Variants in OLA1 observed in about 807,000 individuals in gnomAD.
The protein encoded by OLA1 is Obg like ATPase 1.
A neutral mutation model predicts 48.4 loss-of-function variants in OLA1; 14 were observed. That is an observed-to-expected ratio of 0.29 (90% CI 0.19 to 0.45). The LOEUF (loss-of-function observed/expected upper bound fraction) is 0.45. Ranked by LOEUF, OLA1 falls within the 20% of genes least tolerant of loss-of-function variation. The pLI, the probability that OLA1 is intolerant of heterozygous loss-of-function variation, is 1.00. For missense variants in OLA1, 325 were observed against 467.1 expected (o/e 0.70, Z 2.80); for synonymous variants, 127 against 150.4 (o/e 0.84, Z 1.14).
chr2:174,141,431 T>A (rs1229627383), intron 5 of OLA1, among the ~76,000 whole-genome samples: 1 of 152,250 alleles, frequency 6.6e-6, no homozygotes, highest in East Asian at 1.9e-4. Context: ...TTTAAGAGTG[T>A]ATTCATTTAG....
rs1353617946 is a variant in OLA1 at position 174,123,295 on chromosome 2, G to C, written c.631-18C>G. ...ACTTCAATCTAAAGTGGGAGATGGA[G>C]AAAGAATCCCTTTTAAAAGTTTAGT... On this transcript the variant is annotated intron_variant, in intron 6 of 10. Coordinates refer to ENST00000284719, the MANE Select transcript of OLA1 (RefSeq NM_013341.5). 1 of 1,192,720 alleles carries C rather than the reference G, an allele frequency of 8.4e-7. No homozygotes were observed. The highest frequency in any genetic ancestry group is 1.6e-5 in the African/African-American group (1 of 63,540). 73.9% of individuals were successfully genotyped at this position (1,192,720 alleles called of 1,614,324 possible). A position where few individuals can be genotyped will look rare whatever the true frequency, so the allele number is the denominator to read the frequency against.
intron 4 of OLA1, among the ~76,000 whole-genome samples, chr2:174,176,506 G>C (rs1687421781): frequency 6.6e-6 from 1 of 152,076 alleles, no homozygotes; most frequent in African/African-American, 2.4e-5. Context: ...AAAACAATTT[G>C]AGGGGAACCA....
chr2:174,127,719 T>C (rs1277990909), intron 5 of OLA1, among the ~76,000 whole-genome samples: 1 of 152,116 alleles, frequency 6.6e-6, no homozygotes, highest in Non-Finnish European at 1.5e-5. Flanking sequence ...ATGGCAATAC[T>C]CAAATGTCCC....
At chr2:174,143,208 T>A (rs1686499127) in intron 4 of OLA1, among the ~76,000 whole-genome samples, 1 of 152,282 alleles carries the variant, frequency 6.6e-6, no homozygotes, top group Non-Finnish European at 1.5e-5. Flanking sequence ...TGTAAAGCAA[T>A]ATTTAAGTTT....
chr2:174,225,481 G>T (rs543312117), intron 3 of OLA1, among the ~76,000 whole-genome samples: 1 of 152,082 alleles, frequency 6.6e-6, no homozygotes, highest in Admixed American at 6.5e-5. Context: ...CCCAGGAGGC[G>T]GAGGTTGCAG....
intron 7 of OLA1, among the ~76,000 whole-genome samples, chr2:174,087,252 T>A (rs969827208): frequency 3.3e-5 from 5 of 152,054 alleles, no homozygotes; most frequent in African/African-American, 1.2e-4. Context: ...TCTCGGTCTC[T>A]TGACCTCAGG....
chr2:174,086,846 C>T (rs968063304), intron 7 of OLA1, among the ~76,000 whole-genome samples: 8 of 152,042 alleles, frequency 5.3e-5, no homozygotes, highest in Middle Eastern at 3.2e-3. Context: ...CGGTTGACAG[C>T]GGGAACTGAA....
chr2:174,185,779 T>C (rs1004009237), intron 4 of OLA1, among the ~76,000 whole-genome samples: 4 of 152,002 alleles, frequency 2.6e-5, no homozygotes, highest in Non-Finnish European at 5.9e-5. Flanking sequence ...AATACAAAAA[T>C]TAGCCAGGTG....
At chr2:174,084,080 T>C (rs915863272) in intron 7 of OLA1, among the ~76,000 whole-genome samples, 1 of 152,214 alleles carries the variant, frequency 6.6e-6, no homozygotes, top group African/African-American at 2.4e-5. Flanking sequence ...CTACCGCCAA[T>C]GTGAGACTTT....
intron 10 of OLA1, 28 bp downstream of exon 10, chr2:174,078,940 A>C (rs766381417): frequency 8.8e-6 from 14 of 1,586,670 alleles, no homozygotes; most frequent in Non-Finnish European, 1.2e-5. Context: ...AAACATTGTG[A>C]AATACAAAAA....
intron 5 of OLA1, among the ~76,000 whole-genome samples, chr2:174,129,731 G>C (rs201593671): frequency 1.3e-5 from 2 of 151,952 alleles, no homozygotes; most frequent in East Asian, 3.9e-4. Flanking sequence ...GTTATAATAG[G>C]AAAAAAATAA....
intron 4 of OLA1, among the ~76,000 whole-genome samples, chr2:174,216,370 G>A (rs1688359801): frequency 6.6e-6 from 1 of 151,988 alleles, no homozygotes; most frequent in Admixed American, 6.6e-5. Context: ...AGTGATGCTG[G>A]AAATGCTCCC....
intron 4 of OLA1, among the ~76,000 whole-genome samples, chr2:174,144,948 AAAAATATATATATATATATAT>A (rs1686552610): frequency 1.3e-5 from 1 of 75,414 alleles, no homozygotes; most frequent in South Asian, 5.9e-4. Flanking sequence ...AAAAAAAAAA[AAAAATATATATATATATATAT>A]ATATATATAT....
intron 9 of OLA1, 128 bp downstream of exon 9, chr2:174,081,024 T>A: frequency 1.4e-6 from 1 of 725,198 alleles, no homozygotes; most frequent in South Asian, 1.6e-5. Flanking sequence ...ATTAAAGTTA[T>A]CCTGGACAAA....
chr2:174,109,474 GAA>G (rs1181134494), intron 7 of OLA1, among the ~76,000 whole-genome samples: 2 of 152,204 alleles, frequency 1.3e-5, no homozygotes, highest in African/African-American at 4.8e-5. Flanking sequence ...TGCTTAATCA[GAA>G]AATTTCAACC....
intron 3 of OLA1, among the ~76,000 whole-genome samples, chr2:174,226,976 G>A (rs1574565572): frequency 6.6e-6 from 1 of 151,978 alleles, no homozygotes; most frequent in East Asian, 1.9e-4. Flanking sequence ...TGTAGTCCCA[G>A]CTACTCAGGA....
At chr2:174,083,338 G>GAAA (rs1202965586) in intron 7 of OLA1, among the ~76,000 whole-genome samples, 2 of 152,052 alleles carry the variant, frequency 1.3e-5, no homozygotes, top group Non-Finnish European at 2.9e-5. Flanking sequence ...AGAAAATTAA[G>GAAA]ACTATGGCCC....
At chr2:174,170,158 G>A (rs35813013) in intron 4 of OLA1, among the ~76,000 whole-genome samples, 83,458 of 151,990 alleles carry the variant, frequency 0.55, 23,686 homozygotes, top group East Asian at 0.95. Context: ...GCGTGAACCC[G>A]GGAGGCGGAA....
chr2:174,128,561 C>T (rs951861859), intron 5 of OLA1, among the ~76,000 whole-genome samples: 4 of 151,746 alleles, frequency 2.6e-5, no homozygotes, highest in African/African-American at 9.7e-5. Flanking sequence ...GAAACCCCAT[C>T]TCTACTAAAA....
Sources: allele counts gnomAD v4.1 joint callset (sites outside exome capture counted in the v4.1 genomes callset), GRCh38; gene constraint gnomAD v4.1.1; transcripts MANE v1.5; gene names NCBI Gene and HGNC (gene_info 2026-07-23, HGNC 2026-07-21).